The following SIDT1 variants were observed in gnomAD, a reference collection of about 807,000 sequenced individuals.
The protein encoded by SIDT1 is SID1 transmembrane family, member 1.
Under a neutral mutation model 107.5 loss-of-function variants are expected in SIDT1, and 101 were observed. The ratio of observed to expected loss-of-function variants is 0.94; its 90% CI spans 0.80 to 1.11. The LOEUF (loss-of-function observed/expected upper bound fraction) is 1.11. SIDT1 is among the 50% of genes least tolerant of loss of function. The pLI, the probability that SIDT1 is intolerant of heterozygous loss-of-function variation, is 0.00. For synonymous variants in SIDT1, 395 were observed against 398.2 expected, an observed-to-expected ratio of 0.99 and a Z score of 0.10; for missense variants, 1,076 against 1,058.2, an observed-to-expected ratio of 1.02 and a Z score of -0.23.
chr3:113,581,543 T>C (rs62265520), intron 6 of SIDT1, 99 bp downstream of exon 6: 192,636 of 933,824 alleles, frequency 0.21, 25,062 homozygotes, highest in East Asian at 0.61. Context: ...ATCCATGATG[T>C]GCCTAGGATC....
At position 113,627,817 on chromosome 3, in the gene SIDT1, G is replaced by A. The variant is rs1946954704; in HGVS notation, c.*109G>A. The A allele has an allele frequency of 2.0e-6, 2 of 981,636 alleles. No homozygotes were observed. Among genetic ancestry groups the A allele is most frequent in the Non-Finnish European group, 3.2e-6 (2 of 625,534 alleles). 60.8% of individuals were successfully genotyped at this position (981,636 alleles called of 1,614,324 possible). A position where few individuals can be genotyped will look rare whatever the true frequency, so the allele number is the denominator to read the frequency against. On this transcript the variant is annotated 3_prime_UTR_variant, in exon 25 of 25. Transcript: ENST00000264852. ...CTGCCAGATGCTCCACTCACCCTCT[G>A]TAGAGCCAACTCTGCATTCACACAG...
chr3:113,566,628 G>C, intron 2 of SIDT1, 87 bp downstream of exon 2: 2 of 1,435,684 alleles, frequency 1.4e-6, no homozygotes, highest in South Asian at 2.6e-5. Flanking sequence ...CTATTGAAAG[G>C]AAAAATCAGA....
intron 1 of SIDT1, among the ~76,000 whole-genome samples, chr3:113,551,152 T>C (rs1940188912): frequency 6.6e-6 from 1 of 152,198 alleles, no homozygotes; most frequent in Non-Finnish European, 1.5e-5. Context: ...ATTTTCTTTA[T>C]CCAATCTATC....
chr3:113,564,034 T>C (rs1017788000), intron 1 of SIDT1, among the ~76,000 whole-genome samples: 2 of 152,154 alleles, frequency 1.3e-5, no homozygotes, highest in African/African-American at 4.8e-5. Flanking sequence ...CCGCAACCTC[T>C]GCCTCCTGGG....
At chr3:113,571,373 T>C (rs1338652571) in intron 3 of SIDT1, among the ~76,000 whole-genome samples, 1 of 152,222 alleles carries the variant, frequency 6.6e-6, no homozygotes, top group Non-Finnish European at 1.5e-5. Flanking sequence ...GCCATGATTG[T>C]GCCACTGCAC....
intron 8 of SIDT1, 115 bp downstream of exon 8, chr3:113,584,884 A>T (rs1560076561): frequency 6.3e-6 from 5 of 791,698 alleles, no homozygotes; most frequent in Non-Finnish European, 1.0e-5. Flanking sequence ...ACTAAAGTAT[A>T]TTTACCTTAG....
chr3:113,612,149 C>G lies in SIDT1; in HGVS notation c.1921C>G (p.Leu641Val). 1 of 1,614,144 alleles carries G rather than the reference C, an allele frequency of 6.2e-7. No homozygotes were observed. Among genetic ancestry groups the G allele is most frequent in the Non-Finnish European group, 8.5e-7 (1 of 1,180,006 alleles). The change falls in exon 19 of 25, where the codon CTA becomes GTA. Residue 641 changes from leucine to valine, a missense_variant. Leu to Val is a conservative substitution (Grantham distance 32). Coordinates refer to ENST00000264852, the MANE Select transcript of SIDT1 (RefSeq NM_017699.3). ...IFSAIHVLAS[L>V]ALSTQIYYMG... Reference sequence around the variant, plus strand: ...CTCTGCAATCCACGTTCTGGCCTCGCTAGCCCTCAGCACCCAGATATATTA... The same window carrying G: ...CTCTGCAATCCACGTTCTGGCCTCGGTAGCCCTCAGCACCCAGATATATTA...
the SIDT1 span, among the ~76,000 whole-genome samples, chr3:113,636,879 T>C: frequency 6.6e-6 from 1 of 152,074 alleles, no homozygotes; most frequent in Non-Finnish European, 1.5e-5. Context: ...GAGGCGGAAA[T>C]GAGGACGGTT....
At chr3:113,556,663 G>A (rs1297525869) in intron 1 of SIDT1, among the ~76,000 whole-genome samples, 2 of 152,128 alleles carry the variant, frequency 1.3e-5, no homozygotes, top group African/African-American at 4.8e-5. Context: ...ACAAGGGGAA[G>A]GCTTTGATAG....
intron 1 of SIDT1, among the ~76,000 whole-genome samples, chr3:113,562,794 C>T (rs139074168): frequency 1.6e-4 from 24 of 152,242 alleles, no homozygotes; most frequent in Non-Finnish European, 2.9e-4. Context: ...GGTCCCACAA[C>T]TTGGTGAATA....
At chr3:113,560,684 T>C (rs1941350589) in intron 1 of SIDT1, among the ~76,000 whole-genome samples, 1 of 152,250 alleles carries the variant, frequency 6.6e-6, no homozygotes, top group Non-Finnish European at 1.5e-5. Context: ...CAGTGGTGTA[T>C]TGAATAATGG....
rs1177026145 is a variant in SIDT1, at chr3:113,566,334, GTGTT to G, written c.223-82_223-79del. 5 of 1,298,786 alleles carry G rather than the reference GTGTT, an allele frequency of 3.8e-6. No individual in the cohort carries two copies. The East Asian group carries it at 7.2e-5, about 19-fold the overall frequency. The allele number at this position is 1,298,786 out of a possible 1,614,324, so 80.5% of individuals were successfully genotyped here. On this transcript the variant is annotated intron_variant, in intron 1 of 24. Coordinates refer to ENST00000264852, the MANE Select transcript of SIDT1 (RefSeq NM_017699.3). ...GCAACTATGGTGTGTGTGTTTGTGT[GTGTT>G]TGTGTGTGTGTGTGTGTGTGTGTGT...
intron 9 of SIDT1, among the ~76,000 whole-genome samples, chr3:113,585,834 A>G (rs1437539464): frequency 6.6e-6 from 1 of 152,182 alleles, no homozygotes; most frequent in African/African-American, 2.4e-5. Context: ...AATTTGACCA[A>G]AGAAATTTCC....
intron 17 of SIDT1, among the ~76,000 whole-genome samples, chr3:113,609,485 A>G (rs971926448): frequency 2.0e-4 from 30 of 152,328 alleles, no homozygotes; most frequent in African/African-American, 7.0e-4. Context: ...CCTGGAGCCA[A>G]AGGTGGGATT....
At chr3:113,567,029 A>G (rs1466449194) in intron 2 of SIDT1, among the ~76,000 whole-genome samples, 1 of 152,224 alleles carries the variant, frequency 6.6e-6, no homozygotes, top group African/African-American at 2.4e-5. Context: ...GGAGAAGTGT[A>G]TAAGATACTA....
chr3:113,573,559 T>A (rs1182721191), intron 3 of SIDT1, among the ~76,000 whole-genome samples: 1 of 152,204 alleles, frequency 6.6e-6, no homozygotes, highest in Non-Finnish European at 1.5e-5. Flanking sequence ...TGCTATGGTC[T>A]CAATGTTTAC....
intron 19 of SIDT1, chr3:113,615,156 G>A: frequency 6.8e-7 from 1 of 1,465,292 alleles, no homozygotes; most frequent in Non-Finnish European, 9.2e-7. Flanking sequence ...TGGCAGCCCT[G>A]CTCCCTGAAC....
intron 4 of SIDT1, among the ~76,000 whole-genome samples, chr3:113,578,946 T>A (rs188491935): frequency 2.0e-5 from 3 of 152,358 alleles, no homozygotes; most frequent in African/African-American, 7.2e-5. Context: ...AGTTCCTTGA[T>A]ATCTACGAAA....
At chr3:113,609,442 G>T (rs1371290638) in intron 17 of SIDT1, among the ~76,000 whole-genome samples, 1 of 152,154 alleles carries the variant, frequency 6.6e-6, no homozygotes, top group African/African-American at 2.4e-5. Flanking sequence ...CAGCAAAAAA[G>T]GTGGGACTAT....
Sources: allele counts gnomAD v4.1 joint callset (sites outside exome capture counted in the v4.1 genomes callset), GRCh38; gene constraint gnomAD v4.1.1; transcripts MANE v1.5; gene names NCBI Gene and HGNC (gene_info 2026-07-23, HGNC 2026-07-21).